ADAMTS12: variants seen among roughly 807,000 people sequenced by gnomAD.
The protein encoded by ADAMTS12 is ADAM metallopeptidase with thrombospondin type 1 motif 12, also known as A disintegrin and metalloproteinase with thrombospondin motifs 12.
In ADAMTS12, 118 loss-of-function variants were observed where a neutral mutation model predicts 167.8. The observed-to-expected ratio is 0.70, with a 90% CI of 0.61 to 0.82. The LOEUF (loss-of-function observed/expected upper bound fraction) is 0.82, where lower values mean the gene tolerates loss of function less well. ADAMTS12 is among the 40% of genes least tolerant of loss of function. The probability of loss-of-function intolerance (pLI) is 0.00; values close to 1 mark genes in which losing one functional copy is unlikely to be tolerated. For synonymous variants in ADAMTS12, 704 were observed against 716.9 expected, an observed-to-expected ratio of 0.98 and a Z score of 0.29; for missense variants, 1,916 against 1,998.8, an observed-to-expected ratio of 0.96 and a Z score of 0.79.
chr5:33,534,753 A>G, intron 23 of ADAMTS12, 80 bp downstream of exon 23: 2 of 1,495,134 alleles, frequency 1.3e-6, no homozygotes, highest in Non-Finnish European at 1.8e-6. Flanking sequence ...AAAGAAATGT[A>G]AAGCTATCTA....
intron 23 of ADAMTS12, among the ~76,000 whole-genome samples, chr5:33,533,189 A>G (rs1279718008): frequency 2.6e-5 from 4 of 152,274 alleles, no homozygotes; most frequent in African/African-American, 9.6e-5. Flanking sequence ...GCAATAGGAC[A>G]GTTGAAGACA....
chr5:33,791,091 C>T (rs1746550177), intron 2 of ADAMTS12, among the ~76,000 whole-genome samples: 1 of 152,102 alleles, frequency 6.6e-6, no homozygotes, highest in Non-Finnish European at 1.5e-5. Context: ...GGCCTCTGAG[C>T]TAAGCTCCAC....
chr5:33,880,165 A>G (rs1750376481), intron 2 of ADAMTS12, among the ~76,000 whole-genome samples: 1 of 152,242 alleles, frequency 6.6e-6, no homozygotes, highest in African/African-American at 2.4e-5. Context: ...TTGAACCCAA[A>G]GTAACTTGCA....
At position 33,649,762 on chromosome 5, in the gene ADAMTS12, T is replaced by C. The variant is rs1163483048; in HGVS notation, c.1191-65A>G. On this transcript the variant is annotated intron_variant, in intron 7 of 23. Transcript: ENST00000504830. ...AGGCATTAAACAGGAAGAAAAACCA[T>C]AGTTTCCCTAAGAGCGTAATAACTC... 102 of 1,581,768 alleles carry C rather than the reference T, an allele frequency of 6.4e-5. 1 individual carries two copies. Among genetic ancestry groups the C allele is most frequent in the Non-Finnish European group, 8.3e-5 (97 of 1,164,144 alleles).
intron 3 of ADAMTS12, among the ~76,000 whole-genome samples, chr5:33,684,640 T>C (rs539533036): frequency 6.6e-6 from 1 of 152,264 alleles, no homozygotes; most frequent in African/African-American, 2.4e-5. Flanking sequence ...ATATATAAGC[T>C]GAAAACCTGC....
chr5:33,548,165 T>C lies in ADAMTS12; in HGVS notation c.4302+1042A>G, dbSNP rs567877096. On this transcript the variant is annotated intron_variant, in intron 21 of 23. Transcript: ENST00000504830. ...CTGCCTTCCCTTCACTGGCACATGG[T>C]AGGTGCCCCCAAAATAGTTATTGAT... 6.6e-5 allele frequency among the ~76,000 whole-genome samples: 10 copies of C among 152,342 alleles called. 1 individual carries two copies. In the South Asian group the frequency reaches 2.1e-3, roughly 32 times the overall value.
chr5:33,715,905 G>A (rs1377835631), intron 3 of ADAMTS12, among the ~76,000 whole-genome samples: 1 of 152,088 alleles, frequency 6.6e-6, no homozygotes, highest in Non-Finnish European at 1.5e-5. Context: ...CTCTCTCTAG[G>A]CTGGGGACTA....
chr5:33,793,780 TC>T (rs1746666349), intron 2 of ADAMTS12, among the ~76,000 whole-genome samples: 1 of 151,854 alleles, frequency 6.6e-6, no homozygotes, highest in African/African-American at 2.4e-5. Context: ...CCACCAACAA[TC>T]CCAAGTCTGT....
At chr5:33,862,127 G>A (rs570889168) in intron 2 of ADAMTS12, among the ~76,000 whole-genome samples, 2 of 152,164 alleles carry the variant, frequency 1.3e-5, no homozygotes, top group East Asian at 1.9e-4. Flanking sequence ...AACTAGAGAA[G>A]CAAGAACAAA....
At chr5:33,585,913 T>C (rs972120478) in intron 18 of ADAMTS12, among the ~76,000 whole-genome samples, 7 of 151,938 alleles carry the variant, frequency 4.6e-5, no homozygotes, top group African/African-American at 1.7e-4. Context: ...ACTGCTTGAG[T>C]TGGTGGAGTG....
At chr5:33,643,304 G>C (rs909775103) in intron 10 of ADAMTS12, 74 bp downstream of exon 10, 3 of 1,484,970 alleles carry the variant, frequency 2.0e-6, no homozygotes, top group East Asian at 4.5e-5. Flanking sequence ...TTGCCCTCTA[G>C]GGCCTTCTCC....
chr5:33,715,391 T>C (rs924412123), intron 3 of ADAMTS12, among the ~76,000 whole-genome samples: 2 of 152,164 alleles, frequency 1.3e-5, no homozygotes, highest in South Asian at 2.1e-4. Flanking sequence ...AGAATTCATA[T>C]GCAGTTGTGG....
At chr5:33,731,113 T>C (rs192633404) in intron 3 of ADAMTS12, among the ~76,000 whole-genome samples, 142 of 152,348 alleles carry the variant, frequency 9.3e-4, no homozygotes, top group African/African-American at 3.3e-3. Context: ...ATATAATAAA[T>C]AATTTATTTC....
At chr5:33,633,333 C>T (rs1397546057) in intron 12 of ADAMTS12, among the ~76,000 whole-genome samples, 1 of 139,450 alleles carries the variant, frequency 7.2e-6, no homozygotes, top group African/African-American at 2.6e-5. Flanking sequence ...AGGACTAGTA[C>T]ATTCTTCAAG....
chr5:33,773,884 G>A (rs1240867746), intron 2 of ADAMTS12, among the ~76,000 whole-genome samples: 1 of 152,168 alleles, frequency 6.6e-6, no homozygotes, highest in Non-Finnish European at 1.5e-5. Flanking sequence ...GTCAGGGGGT[G>A]CCCAAAGAAA....
rs758075519 is a variant in ADAMTS12 at position 33,824,279 on chromosome 5, C to T, written c.489+56840G>A. Reference sequence around the variant, plus strand: ...ACCCTAGACTTCTATGCTACCTTCCCGTGAAGCCACCTGCCAGAAGACGGG... The same window carrying T: ...ACCCTAGACTTCTATGCTACCTTCCTGTGAAGCCACCTGCCAGAAGACGGG... On this transcript the variant is annotated intron_variant, in intron 2 of 23. Transcript: ENST00000504830. Among the ~76,000 whole-genome samples the T allele has an allele frequency of 4.6e-5, 7 of 152,254 alleles. No homozygotes were observed. The East Asian group carries it at 5.8e-4, about 13-fold the overall frequency.
At chr5:33,532,653 T>C (rs1579627694) in intron 23 of ADAMTS12, among the ~76,000 whole-genome samples, 1 of 152,160 alleles carries the variant, frequency 6.6e-6, no homozygotes, top group Admixed American at 6.5e-5. Flanking sequence ...GATTTTTTTT[T>C]CCATGTAGAT....
chr5:33,753,075 A>T (rs574784030), intron 2 of ADAMTS12, among the ~76,000 whole-genome samples: 20 of 152,362 alleles, frequency 1.3e-4, no homozygotes, highest in African/African-American at 4.3e-4. Flanking sequence ...TCAATGGGTC[A>T]TGCAAACTTT....
At chr5:33,624,714 G>A (rs937950490) in intron 13 of ADAMTS12, among the ~76,000 whole-genome samples, 8 of 152,174 alleles carry the variant, frequency 5.3e-5, no homozygotes, top group African/African-American at 1.9e-4. Context: ...CCTGGAAAAG[G>A]AGAGCCACGA....
Sources: allele counts gnomAD v4.1 joint callset (sites outside exome capture counted in the v4.1 genomes callset), GRCh38; gene constraint gnomAD v4.1.1; transcripts MANE v1.5; gene names NCBI Gene and HGNC (gene_info 2026-07-23, HGNC 2026-07-21).